The following SERP1 variants were observed in gnomAD, a reference collection of about 807,000 sequenced individuals.
The protein encoded by SERP1 is stress-associated endoplasmic reticulum protein 1.
Under a neutral mutation model 8.8 loss-of-function variants are expected in SERP1, and 6 were observed. That is an observed-to-expected ratio of 0.68 (90% CI 0.37 to 1.35). SERP1 has a LOEUF of 1.35. Ranked by LOEUF, SERP1 falls within the 40% of genes most tolerant of loss-of-function variation. SERP1 has a pLI of 0.02. For synonymous variants in SERP1, 36 were observed against 28.7 expected, an observed-to-expected ratio of 1.25 and a Z score of -0.81; for missense variants, 52 against 86.2, an observed-to-expected ratio of 0.60 and a Z score of 1.57.
Position 150,546,230 on chromosome 3 carries a change from G to C in SERP1, c.-95C>G. The C allele has an allele frequency of 7.0e-7, 1 of 1,423,336 alleles. No individual in the cohort carries two copies. Among genetic ancestry groups the C allele is most frequent in the South Asian group, 1.2e-5 (1 of 85,716 alleles). The allele number at this position is 1,423,336 out of a possible 1,614,324, so 88.2% of individuals were successfully genotyped here. A position where few individuals can be genotyped will look rare whatever the true frequency, so the allele number is the denominator to read the frequency against. ...CTGCGAGGCTCGGCTCGTGGTGCCC[G>C]CGCCGCCGGAGCGCCGAGGTTCTCA... On this transcript the variant is annotated 5_prime_UTR_variant, in exon 1 of 3. Transcript: ENST00000239944.
rs528438927 is a variant in SERP1, at chr3:150,546,208, C to T, written c.-73G>A. The T allele has an allele frequency of 8.5e-6, 13 of 1,537,596 alleles. No individual in the cohort carries two copies. The highest frequency in any genetic ancestry group is 1.4e-5 in the African/African-American group (1 of 73,500). On this transcript the variant is annotated 5_prime_UTR_variant, in exon 1 of 3. Transcript: ENST00000239944. ...TCGCCTGCCTCCTCTGGAGCCGCTG[C>T]GAGGCTCGGCTCGTGGTGCCCGCGC...
rs973011229 is a variant in SERP1 at position 150,546,191 on chromosome 3, C to T, written c.-56G>A. ...CCCTCGGACTCGCTCACTCGCCTGC[C>T]TCCTCTGGAGCCGCTGCGAGGCTCG... On this transcript the variant is annotated 5_prime_UTR_variant, in exon 1 of 3. Coordinates refer to ENST00000239944, the MANE Select transcript of SERP1 (RefSeq NM_014445.4). 46 of 1,586,902 alleles carry T rather than the reference C, an allele frequency of 2.9e-5. No individual in the cohort carries two copies. Among genetic ancestry groups the T allele is most frequent in the Non-Finnish European group, 4.0e-5 (46 of 1,161,804 alleles).
In SERP1 at chr3:150,543,980, GAC is replaced by G. The variant is rs1242301232; in HGVS notation, c.*476_*477del. 1 of 153,142 alleles carries G rather than the reference GAC, an allele frequency of 6.5e-6. No individual in the cohort carries two copies. The highest frequency in any genetic ancestry group is 2.4e-5 in the African/African-American group (1 of 41,448). The allele number at this position is 153,142 out of a possible 1,614,324, so 9.5% of individuals were successfully genotyped here. A position where few individuals can be genotyped will look rare whatever the true frequency, so the allele number is the denominator to read the frequency against. On this transcript the variant is annotated 3_prime_UTR_variant, in exon 3 of 3. Transcript: ENST00000239944. ...TCCATTTATAAGCACCTTATTACAGGACAGTTACATGAACCTATAAGGGAGTG... is the reference window on the plus strand; with the variant it reads ...TCCATTTATAAGCACCTTATTACAGGAGTTACATGAACCTATAAGGGAGTG...
chr3:150,542,268 G>T lies in SERP1; in HGVS notation c.*2190C>A, dbSNP rs1722891088. 1 of 152,180 alleles carries T rather than the reference G, an allele frequency of 6.6e-6. No individual in the cohort carries two copies. Among genetic ancestry groups the T allele is most frequent in the East Asian group, 1.9e-4 (1 of 5,202 alleles). 9.4% of individuals were successfully genotyped at this position (152,180 alleles called of 1,614,324 possible). On this transcript the variant is annotated 3_prime_UTR_variant, in exon 3 of 3. Transcript: ENST00000239944. ...ACTGGCAAAGGGAGATCAAAGAATT[G>T]TGCTTCATCTTGAGCTTGAATTGGA...
rs949210318 is a variant in SERP1 at position 150,544,317 on chromosome 3, G to A, written c.*141C>T. 1 of 773,154 alleles carries A rather than the reference G, an allele frequency of 1.3e-6. No individual in the cohort carries two copies. The highest frequency in any genetic ancestry group is 1.7e-5 in the African/African-American group (1 of 57,452). 47.9% of individuals were successfully genotyped at this position (773,154 alleles called of 1,614,324 possible). A position where few individuals can be genotyped will look rare whatever the true frequency, so the allele number is the denominator to read the frequency against. Reference sequence around the variant, plus strand: ...TGGAATGACTCATGAAGAAACCTTGGAATGACACATGAAGCATGATAGGAA... The same window carrying A: ...TGGAATGACTCATGAAGAAACCTTGAAATGACACATGAAGCATGATAGGAA... On this transcript the variant is annotated 3_prime_UTR_variant, in exon 3 of 3. Transcript: ENST00000239944.
At position 150,546,443 on chromosome 3, in the gene SERP1, A is replaced by G. The variant is rs6801769; in HGVS notation, c.-308T>C. The G allele has an allele frequency of 8.9e-3, 4,926 of 555,594 alleles. 216 individuals carry two copies. The highest frequency in any genetic ancestry group is 0.087 in the African/African-American group (4,439 of 51,270). 34.4% of individuals were successfully genotyped at this position (555,594 alleles called of 1,614,324 possible). On this transcript the variant is annotated 5_prime_UTR_variant, in exon 1 of 3. Transcript: ENST00000239944. ...GCCGCCGCCGTGAGCGCGGAGTGAA[A>G]GAGGAAGGAAACGCAACGCAACAAC... is the stretch of plus-strand genomic sequence containing the variant.
rs149255936 is a variant in SERP1 at position 150,543,495 on chromosome 3, C to T, written c.*963G>A. On this transcript the variant is annotated 3_prime_UTR_variant, in exon 3 of 3. Coordinates refer to ENST00000239944, the MANE Select transcript of SERP1 (RefSeq NM_014445.4). The stretch of plus-strand genomic sequence containing the variant: ...AGCATTTGCAAACTAAGGATAACTT[C>T]GCAGTTGATGTGCCTTTTTTTGCTA... 4.7e-4 allele frequency: 72 copies of T among 152,648 alleles called. No homozygotes were observed. The highest frequency in any genetic ancestry group is 1.7e-3 in the African/African-American group (70 of 41,536). 9.5% of individuals were successfully genotyped at this position (152,648 alleles called of 1,614,324 possible). A position where few individuals can be genotyped will look rare whatever the true frequency, so the allele number is the denominator to read the frequency against.
In SERP1 at chr3:150,546,340, T is replaced by C; in HGVS notation, c.-205A>G. The C allele has an allele frequency of 6.7e-6, 4 of 599,154 alleles. No individual in the cohort carries two copies. Among genetic ancestry groups the C allele is most frequent in the Non-Finnish European group, 8.5e-6 (3 of 351,372 alleles). 37.1% of individuals were successfully genotyped at this position (599,154 alleles called of 1,614,324 possible). On this transcript the variant is annotated 5_prime_UTR_variant, in exon 1 of 3. Coordinates refer to ENST00000239944, the MANE Select transcript of SERP1 (RefSeq NM_014445.4). ...AGCCGGGCGCCGGCCGCCGACTGAC[T>C]GACCGAGCGGGGCAGGTGCGCAGGA...
rs561382047 is a variant in SERP1 at position 150,544,565 on chromosome 3, T to C, written c.161-67A>G. On this transcript the variant is annotated intron_variant, in intron 2 of 2. Transcript: ENST00000239944. ...AAATAGGTCTGGTGTCTAACAAATA[T>C]TTATTAAGGTAGCTGAAGAATCCAA... 10 of 1,283,550 alleles carry C rather than the reference T, an allele frequency of 7.8e-6. No individual in the cohort carries two copies. In the East Asian group the frequency reaches 2.1e-4, roughly 27 times the overall value. 79.5% of individuals were successfully genotyped at this position (1,283,550 alleles called of 1,614,324 possible).
rs1722929011 is a variant in SERP1 at position 150,544,026 on chromosome 3, G to A, written c.*432C>T. 2 of 157,406 alleles carry A rather than the reference G, an allele frequency of 1.3e-5. No individual in the cohort carries two copies. The highest frequency in any genetic ancestry group is 1.3e-4 in the Admixed American group (2 of 15,524). The allele number at this position is 157,406 out of a possible 1,614,324, so 9.8% of individuals were successfully genotyped here. On this transcript the variant is annotated 3_prime_UTR_variant, in exon 3 of 3. Coordinates refer to ENST00000239944, the MANE Select transcript of SERP1 (RefSeq NM_014445.4). ...GGGAGTGTGCTTTCAGTTCAAAAGA[G>A]TAATAAAGTGCCTAGCTATATAAAA...
Position 150,542,167 on chromosome 3 carries a change from G to C in SERP1, c.*2291C>G, listed in dbSNP as rs979506981. The C allele has an allele frequency of 2.6e-5, 4 of 152,182 alleles. No individual in the cohort carries two copies. The highest frequency in any genetic ancestry group is 9.7e-5 in the African/African-American group (4 of 41,434). 9.4% of individuals were successfully genotyped at this position (152,182 alleles called of 1,614,324 possible). On this transcript the variant is annotated 3_prime_UTR_variant, in exon 3 of 3. Transcript: ENST00000239944. ...TGAAATGTTAGAGTTAAACCACAAA[G>C]AGTAACTGAGTAATGTTGACAACCC...
At position 150,542,910 on chromosome 3, in the gene SERP1, G is replaced by C. The variant is rs1223475714; in HGVS notation, c.*1548C>G. ...GTACAGAGACTGATTAACTGGGTGA[G>C]AAAGGCAAGTAACAATTTAGTTAAA... On this transcript the variant is annotated 3_prime_UTR_variant, in exon 3 of 3. Coordinates refer to ENST00000239944, the MANE Select transcript of SERP1 (RefSeq NM_014445.4). The C allele has an allele frequency of 6.6e-6, 1 of 152,620 alleles. No individual in the cohort carries two copies. The highest frequency in any genetic ancestry group is 1.5e-5 in the Non-Finnish European group (1 of 68,024). 9.5% of individuals were successfully genotyped at this position (152,620 alleles called of 1,614,324 possible).
rs796813108 is a variant in SERP1 at position 150,546,469 on chromosome 3, G to A, written c.-334C>T. 2.1e-5 allele frequency: 12 copies of A among 558,588 alleles called. No homozygotes were observed. Among genetic ancestry groups the A allele is most frequent in the African/African-American group, 2.1e-4 (11 of 51,732 alleles). The allele number at this position is 558,588 out of a possible 1,614,324, so 34.6% of individuals were successfully genotyped here. A position where few individuals can be genotyped will look rare whatever the true frequency, so the allele number is the denominator to read the frequency against. On this transcript the variant is annotated 5_prime_UTR_variant, in exon 1 of 3. Coordinates refer to ENST00000239944, the MANE Select transcript of SERP1 (RefSeq NM_014445.4). ...GAGGAAGGAAACGCAACGCAACAACGGGAATGTGCAGCCCGCCGCCTCGAT... is the reference window on the plus strand; with the variant it reads ...GAGGAAGGAAACGCAACGCAACAACAGGAATGTGCAGCCCGCCGCCTCGAT...
chr3:150,545,085 T>A (rs911488211), intron 2 of SERP1, among the ~76,000 whole-genome samples: 2 of 152,238 alleles, frequency 1.3e-5, no homozygotes, highest in African/African-American at 4.8e-5. Flanking sequence ...AAGACCTTTT[T>A]TTTGTAATCT....
At chr3:150,544,635 AGAAGT>A in intron 2 of SERP1, 137 bp from the exon 3 acceptor site, 2 of 609,896 alleles carry the variant, frequency 3.3e-6, no homozygotes, top group Non-Finnish European at 5.8e-6. Context: ...CAGTATAATA[AGAAGT>A]GAAGACAGGC....
rs554385893 is a variant in SERP1, at chr3:150,542,069, T to C, written c.*2389A>G. 1.3e-5 allele frequency: 2 copies of C among 152,342 alleles called. No homozygotes were observed. Among genetic ancestry groups the C allele is most frequent in the African/African-American group, 4.8e-5 (2 of 41,580 alleles). 9.4% of individuals were successfully genotyped at this position (152,342 alleles called of 1,614,324 possible). The stretch of plus-strand genomic sequence containing the variant: ...CATCCTGTTACAATGGAAATCTTAT[T>C]TTTGGAAGTCCACTTAATTATTTTG... On this transcript the variant is annotated 3_prime_UTR_variant, in exon 3 of 3. Coordinates refer to ENST00000239944, the MANE Select transcript of SERP1 (RefSeq NM_014445.4).
chr3:150,545,990 C>T (rs2107888347), intron 1 of SERP1, 62 bp downstream of exon 1: 1 of 1,595,252 alleles, frequency 6.3e-7, no homozygotes, highest in Non-Finnish European at 8.6e-7. Context: ...CGCGACGCGG[C>T]CCCAGGGACC....
chr3:150,546,490 T>A lies in SERP1; in HGVS notation c.-355A>T, dbSNP rs1195424204. 2 of 571,100 alleles carry A rather than the reference T, an allele frequency of 3.5e-6. No homozygotes were observed. The highest frequency in any genetic ancestry group is 6.2e-6 in the Non-Finnish European group (2 of 321,536). The allele number at this position is 571,100 out of a possible 1,614,324, so 35.4% of individuals were successfully genotyped here. ...CAACGGGAATGTGCAGCCCGCCGCC[T>A]CGATCTACTTTGGGTTCGGCTGCCA... On this transcript the variant is annotated 5_prime_UTR_variant, in exon 1 of 3. Transcript: ENST00000239944.
intron 1 of SERP1, 106 bp from the exon 2 acceptor site, chr3:150,545,884 C>T: frequency 1.5e-6 from 2 of 1,366,026 alleles, no homozygotes; most frequent in Non-Finnish European, 2.0e-6. Flanking sequence ...CAGGTCTCCC[C>T]TTCCGTTCCC....
Sources: allele counts gnomAD v4.1 joint callset (sites outside exome capture counted in the v4.1 genomes callset), GRCh38; gene constraint gnomAD v4.1.1; transcripts MANE v1.5; gene names NCBI Gene and HGNC (gene_info 2026-07-23, HGNC 2026-07-21).